Variants in NKAIN2 observed in about 807,000 individuals in gnomAD.
The protein encoded by NKAIN2 is sodium/potassium transporting ATPase interacting 2.
NKAIN2 carries 14 observed loss-of-function variants against 32.6 expected under a neutral mutation model. The ratio of observed to expected loss-of-function variants is 0.43; its 90% confidence interval spans 0.28 to 0.67. NKAIN2 has a LOEUF of 0.67. NKAIN2 is among the 30% of genes least tolerant of loss of function. The pLI is 0.17. For missense variants in NKAIN2, 198 were observed against 258.3 expected, an observed-to-expected ratio of 0.77 and a Z score of 1.60; for synonymous variants, 80 against 87.2, an observed-to-expected ratio of 0.92 and a Z score of 0.46.
chr6:124,221,927 T>G (rs1258825331), intron 1 of NKAIN2, among the ~76,000 whole-genome samples: 1 of 152,232 alleles, frequency 6.6e-6, no homozygotes, highest in Non-Finnish European at 1.5e-5. Flanking sequence ...GAATATTATC[T>G]TTCTATCACA....
At chr6:124,287,589 G>T (rs906582143) in intron 2 of NKAIN2, among the ~76,000 whole-genome samples, 1 of 152,056 alleles carries the variant, frequency 6.6e-6, no homozygotes, top group Non-Finnish European at 1.5e-5. Context: ...TCCAAGCAAA[G>T]GAAACCTGAA....
intron 3 of NKAIN2, among the ~76,000 whole-genome samples, chr6:124,585,551 CTG>C (rs1399430716): frequency 6.6e-6 from 1 of 152,090 alleles, no homozygotes; most frequent in Non-Finnish European, 1.5e-5. Context: ...CTCATGTACT[CTG>C]TAAATATATG....
At chr6:124,251,676 C>T (rs575918724) in intron 1 of NKAIN2, among the ~76,000 whole-genome samples, 6 of 152,062 alleles carry the variant, frequency 3.9e-5, no homozygotes, top group South Asian at 4.1e-4. Flanking sequence ...GATTGGCAAA[C>T]GCTACAAAGT....
intron 1 of NKAIN2, among the ~76,000 whole-genome samples, chr6:124,101,071 A>G (rs748529896): frequency 1.8e-4 from 27 of 152,284 alleles, no homozygotes; most frequent in Middle Eastern, 6.8e-3. Flanking sequence ...CAATTGTTCA[A>G]TACCCAACAA....
intron 2 of NKAIN2, among the ~76,000 whole-genome samples, chr6:124,299,344 G>T (rs563928195): frequency 6.6e-6 from 1 of 152,168 alleles, no homozygotes; most frequent in African/African-American, 2.4e-5. Context: ...CTAATTTGGA[G>T]ACTGAAACTG....
chr6:124,104,089 AAAAT>A (rs1785010584), intron 1 of NKAIN2, among the ~76,000 whole-genome samples: 1 of 152,156 alleles, frequency 6.6e-6, no homozygotes, highest in African/African-American at 2.4e-5. Context: ...TCCATCTCAA[AAAAT>A]AAATAAATAA....
intron 1 of NKAIN2, among the ~76,000 whole-genome samples, chr6:124,156,128 A>G (rs1375825482): frequency 6.6e-6 from 1 of 152,042 alleles, no homozygotes; most frequent in Non-Finnish European, 1.5e-5. Context: ...ATTGGGAGAA[A>G]TGTTTGATTT....
intron 1 of NKAIN2, among the ~76,000 whole-genome samples, chr6:123,817,457 C>G (rs927051851): frequency 1.3e-5 from 2 of 152,150 alleles, no homozygotes; most frequent in Non-Finnish European, 2.9e-5. Context: ...AATAACAGGA[C>G]ACTTTCTTCA....
intron 1 of NKAIN2, among the ~76,000 whole-genome samples, chr6:124,126,178 C>T (rs1396126995): frequency 6.6e-6 from 1 of 152,098 alleles, no homozygotes; most frequent in Non-Finnish European, 1.5e-5. Flanking sequence ...AATTTCCACC[C>T]ACAATACTGT....
intron 1 of NKAIN2, among the ~76,000 whole-genome samples, chr6:124,266,669 C>A (rs776664866): frequency 9.9e-5 from 15 of 152,266 alleles, no homozygotes; most frequent in Non-Finnish European, 2.1e-4. Flanking sequence ...GGTAGAGACA[C>A]CTTCAAGGTA....
chr6:124,396,597 A>T lies in NKAIN2; in HGVS notation c.273+41250A>T, dbSNP rs145108256. ...GATTTCAGTCATGTCATTCTGCCTTACTTAAAGGGAAGAAGGTCTAGAATC... is the reference window on the plus strand; with the variant it reads ...GATTTCAGTCATGTCATTCTGCCTTTCTTAAAGGGAAGAAGGTCTAGAATC... On this transcript the variant is annotated intron_variant, in intron 3 of 6. Coordinates refer to ENST00000368417, the MANE Select transcript of NKAIN2 (RefSeq NM_001040214.3). Among the ~76,000 whole-genome samples, 1,010 of 152,262 alleles carry T rather than the reference A, an allele frequency of 6.6e-3. 4 individuals are homozygous for T. Among genetic ancestry groups the T allele is most frequent in the Non-Finnish European group, 0.011 (745 of 68,008 alleles).
chr6:124,711,819 C>A (rs372800681), intron 4 of NKAIN2, among the ~76,000 whole-genome samples: 1 of 152,152 alleles, frequency 6.6e-6, no homozygotes, highest in South Asian at 2.1e-4. Context: ...TCTCTCAGCT[C>A]GTCAAAGTCA....
At chr6:124,217,495 C>T (rs191015185) in intron 1 of NKAIN2, among the ~76,000 whole-genome samples, 45 of 151,776 alleles carry the variant, frequency 3.0e-4, no homozygotes, top group African/African-American at 9.4e-4. Flanking sequence ...ATACTAAAAA[C>T]GATCTGTACA....
intron 3 of NKAIN2, among the ~76,000 whole-genome samples, chr6:124,534,474 A>G (rs971951014): frequency 1.3e-5 from 2 of 152,222 alleles, no homozygotes; most frequent in Non-Finnish European, 1.5e-5. Context: ...TTCTATAACA[A>G]ATTTTTTAAG....
At chr6:124,746,217 T>C (rs535073144) in intron 4 of NKAIN2, among the ~76,000 whole-genome samples, 112 of 152,030 alleles carry the variant, frequency 7.4e-4, no homozygotes, top group African/African-American at 2.6e-3. Context: ...TTCATAATGA[T>C]TATTCCAAAT....
intron 4 of NKAIN2, among the ~76,000 whole-genome samples, chr6:124,732,385 A>G (rs2114667646): frequency 1.3e-5 from 2 of 152,212 alleles, no homozygotes; most frequent in Middle Eastern, 6.8e-3. Context: ...AGCAAAGGCT[A>G]AGGCTAAGAG....
At chr6:124,228,750 C>T (rs1372156259) in intron 1 of NKAIN2, among the ~76,000 whole-genome samples, 4 of 152,080 alleles carry the variant, frequency 2.6e-5, no homozygotes, top group African/African-American at 7.2e-5. Context: ...CTATTGCCAG[C>T]CCTTTTTCTG....
At chr6:124,100,374 A>G (rs1158541337) in intron 1 of NKAIN2, among the ~76,000 whole-genome samples, 1 of 152,220 alleles carries the variant, frequency 6.6e-6, no homozygotes, top group Non-Finnish European at 1.5e-5. Context: ...GAGTATACAC[A>G]GATATGATTT....
intron 3 of NKAIN2, among the ~76,000 whole-genome samples, chr6:124,574,867 C>G (rs1488530721): frequency 6.6e-6 from 1 of 152,168 alleles, no homozygotes; most frequent in Non-Finnish European, 1.5e-5. Flanking sequence ...TTTCTCTACT[C>G]CTCAACTGTT....
Sources: gnomAD v4.1 joint callset for allele counts (sites outside exome capture counted in the v4.1 genomes callset) on GRCh38, gnomAD v4.1.1 for gene constraint, MANE v1.5 for transcripts, NCBI Gene and HGNC (gene_info 2026-07-23, HGNC 2026-07-21) for gene names.